TRPS1: variants seen among roughly 807,000 people sequenced by gnomAD.
TRPS1 encodes zinc finger transcription factor Trps1.
A neutral mutation model predicts 101.2 loss-of-function variants in TRPS1; 6 were observed. That is an observed-to-expected ratio of 0.06 (90% CI 0.03 to 0.12). The LOEUF is 0.12. TRPS1 is among the 10% of genes least tolerant of loss of function. TRPS1 has a pLI of 1.00. For synonymous variants in TRPS1, 578 were observed against 589.8 expected (o/e 0.98, Z 0.29); for missense variants, 1,363 against 1,567.0 (o/e 0.87, Z 2.20).
intron 5 of TRPS1, among the ~76,000 whole-genome samples, chr8:115,556,618 G>A (rs2130355944): frequency 6.6e-6 from 1 of 152,206 alleles, no homozygotes; most frequent in South Asian, 2.1e-4. Flanking sequence ...TTACAAAACA[G>A]ACTGCATGTT....
At chr8:115,661,656 G>C (rs1282920347) in intron 1 of TRPS1, 4 of 151,970 alleles carry the variant, frequency 2.6e-5, no homozygotes, top group Non-Finnish European at 1.5e-5. Flanking sequence ...TGGATTCTTG[G>C]AGCAGAAGTA....
At chr8:115,507,220 G>A (rs755967344) in intron 5 of TRPS1, among the ~76,000 whole-genome samples, 8 of 152,006 alleles carry the variant, frequency 5.3e-5, no homozygotes, top group Non-Finnish European at 7.4e-5. Flanking sequence ...AAGCTCGTTC[G>A]TTTGTCTAAA....
intron 5 of TRPS1, among the ~76,000 whole-genome samples, chr8:115,474,071 T>C (rs1253658533): frequency 6.6e-6 from 1 of 152,184 alleles, no homozygotes; most frequent in Admixed American, 6.5e-5. Flanking sequence ...TAGGTTTAGA[T>C]GAAATACTCT....
At chr8:115,497,994 A>G (rs193211631) in intron 5 of TRPS1, among the ~76,000 whole-genome samples, 1 of 152,314 alleles carries the variant, frequency 6.6e-6, no homozygotes, top group Admixed American at 6.5e-5. Flanking sequence ...AAACTGTAAG[A>G]GGCCAACAAA....
chr8:115,423,718 G>A (rs994717450), intron 5 of TRPS1, among the ~76,000 whole-genome samples: 1 of 152,140 alleles, frequency 6.6e-6, no homozygotes, highest in Non-Finnish European at 1.5e-5. Flanking sequence ...TCCAATTTAA[G>A]TTTTGCTTTT....
intron 5 of TRPS1, among the ~76,000 whole-genome samples, chr8:115,582,239 A>T (rs1050695387): frequency 1.3e-5 from 2 of 152,138 alleles, no homozygotes; most frequent in African/African-American, 4.8e-5. Context: ...AATGAATATC[A>T]CTTTTCACTT....
intron 5 of TRPS1, among the ~76,000 whole-genome samples, chr8:115,465,776 T>C (rs1814302741): frequency 6.6e-6 from 1 of 152,124 alleles, no homozygotes; most frequent in South Asian, 2.1e-4. Flanking sequence ...CACTTAAATA[T>C]GAGGGCTCAT....
At chr8:115,490,708 A>T (rs1179067983) in intron 5 of TRPS1, among the ~76,000 whole-genome samples, 1 of 152,208 alleles carries the variant, frequency 6.6e-6, no homozygotes, top group Non-Finnish European at 1.5e-5. Context: ...CTTAGACCAC[A>T]GAATTCATCT....
At chr8:115,475,414 T>C (rs1814580147) in intron 5 of TRPS1, among the ~76,000 whole-genome samples, 2 of 151,814 alleles carry the variant, frequency 1.3e-5, no homozygotes, top group African/African-American at 4.8e-5. Context: ...TTTGAAATTC[T>C]TCTTGGAAAC....
At chr8:115,460,629 A>C (rs922429015) in intron 5 of TRPS1, among the ~76,000 whole-genome samples, 3 of 148,144 alleles carry the variant, frequency 2.0e-5, no homozygotes, top group African/African-American at 8.0e-5. Context: ...AAAAGCAGTC[A>C]CTGACATGAT....
intron 5 of TRPS1, among the ~76,000 whole-genome samples, chr8:115,434,418 G>A (rs905531225): frequency 6.6e-6 from 1 of 152,114 alleles, no homozygotes; most frequent in Non-Finnish European, 1.5e-5. Context: ...CTGAATATTA[G>A]CAAAGAGGTT....
At chr8:115,520,444 G>A (rs960025799) in intron 5 of TRPS1, among the ~76,000 whole-genome samples, 3 of 151,804 alleles carry the variant, frequency 2.0e-5, no homozygotes, top group African/African-American at 7.2e-5. Flanking sequence ...AGATGAACTA[G>A]ATGACAAGTA....
chr8:115,527,041 CT>C (rs1816014916), intron 5 of TRPS1, among the ~76,000 whole-genome samples: 1 of 152,088 alleles, frequency 6.6e-6, no homozygotes, highest in South Asian at 2.1e-4. Context: ...GAACATAAGA[CT>C]GTGCAATTTA....
intron 1 of TRPS1, among the ~76,000 whole-genome samples, chr8:115,663,721 G>GA (rs1201864123): frequency 0.047 from 3,576 of 76,770 alleles, 73 homozygotes; most frequent in Middle Eastern, 0.11. Context: ...CTTGGAAAAG[G>GA]AAAAAAAAAA....
chr8:115,656,003 C>A (rs1291564593), intron 1 of TRPS1, among the ~76,000 whole-genome samples: 4 of 152,038 alleles, frequency 2.6e-5, no homozygotes, highest in Admixed American at 1.3e-4. Flanking sequence ...GGTGGAGACA[C>A]CAAAATATTG....
chr8:115,413,693 CTCTT>C lies in TRPS1; in HGVS notation c.*326_*329del. 7.7e-6 allele frequency: 2 copies of C among 259,052 alleles called. No homozygotes were observed. Among genetic ancestry groups the C allele is most frequent in the Non-Finnish European group, 7.4e-6 (1 of 135,208 alleles). 16.0% of individuals were successfully genotyped at this position (259,052 alleles called of 1,614,324 possible). A position where few individuals can be genotyped will look rare whatever the true frequency, so the allele number is the denominator to read the frequency against. On this transcript the variant is annotated 3_prime_UTR_variant, in exon 7 of 7. Coordinates refer to ENST00000395715, the MANE Select transcript of TRPS1 (RefSeq NM_014112.5). Reference sequence around the variant, plus strand: ...CTTTCAAATTCTAGACAGTTTTGGTCTCTTTCTTTATAAATATATTAATTCTAGT... The same window carrying C: ...CTTTCAAATTCTAGACAGTTTTGGTCTCTTTATAAATATATTAATTCTAGT...
chr8:115,625,759 GACAC>G (rs1336573839), intron 1 of TRPS1, among the ~76,000 whole-genome samples: 2 of 151,824 alleles, frequency 1.3e-5, no homozygotes, highest in East Asian at 1.9e-4. Flanking sequence ...TATATGTACA[GACAC>G]ACACACATCA....
intron 3 of TRPS1, among the ~76,000 whole-genome samples, chr8:115,612,854 T>C (rs1389625818): frequency 6.6e-6 from 1 of 152,162 alleles, no homozygotes; most frequent in Admixed American, 6.5e-5. Context: ...CACACTCAAA[T>C]TGGACACTCT....
chr8:115,462,220 G>A (rs908313265), intron 5 of TRPS1, among the ~76,000 whole-genome samples: 1 of 152,206 alleles, frequency 6.6e-6, no homozygotes, highest in African/African-American at 2.4e-5. Flanking sequence ...CAACTCCAGT[G>A]CCCAGGAAAG....
Sources: gnomAD v4.1 joint callset for allele counts (sites outside exome capture counted in the v4.1 genomes callset) on GRCh38, gnomAD v4.1.1 for gene constraint, MANE v1.5 for transcripts, NCBI Gene and HGNC (gene_info 2026-07-23, HGNC 2026-07-21) for gene names.